Variants in DENND1B observed in about 807,000 individuals in gnomAD.
DENND1B encodes DENN domain containing 1B.
A neutral mutation model predicts 90.1 loss-of-function variants in DENND1B; 59 were observed. The observed-to-expected ratio is 0.65, with a 90% CI of 0.53 to 0.81. DENND1B has a LOEUF of 0.81. Ranked by LOEUF, DENND1B falls within the 40% of genes least tolerant of loss-of-function variation. DENND1B has a pLI of 0.00. For missense variants in DENND1B, 862 were observed against 912.6 expected (o/e 0.94, Z 0.71); for synonymous variants, 337 against 324.6 (o/e 1.04, Z -0.41).
At chr1:197,764,695 T>C (rs1655490267) in intron 2 of DENND1B, among the ~76,000 whole-genome samples, 1 of 152,156 alleles carries the variant, frequency 6.6e-6, no homozygotes, top group Non-Finnish European at 1.5e-5. Flanking sequence ...TTTACAAGGT[T>C]TTCTTTAAAA....
At chr1:197,674,211 TA>T in intron 3 of DENND1B, 42 bp from the exon 4 acceptor site, 2 of 1,459,232 alleles carry the variant, frequency 1.4e-6, no homozygotes, top group Admixed American at 2.1e-5. Flanking sequence ...AGTTTTAGAA[TA>T]TTTTTTAAGA....
intron 4 of DENND1B, among the ~76,000 whole-genome samples, chr1:197,672,527 CTCTTT>C (rs2125985086): frequency 6.6e-6 from 1 of 152,094 alleles, no homozygotes; most frequent in African/African-American, 2.4e-5. Context: ...CAACTTTAGC[CTCTTT>C]TCTTAATTAT....
chr1:197,591,995 G>C (rs1675257318), intron 14 of DENND1B, among the ~76,000 whole-genome samples: 1 of 149,690 alleles, frequency 6.7e-6, no homozygotes, highest in African/African-American at 2.5e-5. Flanking sequence ...TGTAGTCCCT[G>C]CTACTCGGGA....
At chr1:197,747,118 T>C (rs1652802347) in intron 2 of DENND1B, 2 of 765,762 alleles carry the variant, frequency 2.6e-6, no homozygotes, top group Non-Finnish European at 4.7e-6. Flanking sequence ...TTCTTTTTCA[T>C]TCCTCAATTT....
intron 2 of DENND1B, among the ~76,000 whole-genome samples, chr1:197,771,103 G>A (rs991546021): frequency 2.0e-5 from 3 of 151,536 alleles, no homozygotes; most frequent in Non-Finnish European, 4.4e-5. Context: ...GTAGAGATGG[G>A]GTTTCACCAT....
At chr1:197,627,065 C>T (rs1678818704) in intron 10 of DENND1B, among the ~76,000 whole-genome samples, 1 of 152,008 alleles carries the variant, frequency 6.6e-6, no homozygotes, top group Non-Finnish European at 1.5e-5. Flanking sequence ...GAGTCCAGGA[C>T]CAGATGGATT....
At chr1:197,714,426 A>G (rs1307902533) in intron 3 of DENND1B, among the ~76,000 whole-genome samples, 1 of 152,180 alleles carries the variant, frequency 6.6e-6, no homozygotes, top group African/African-American at 2.4e-5. Context: ...AAACTACTGC[A>G]TCATTTTGGT....
At chr1:197,642,566 G>C in intron 10 of DENND1B, 145 bp downstream of exon 10, 1 of 494,686 alleles carries the variant, frequency 2.0e-6, no homozygotes, top group Non-Finnish European at 3.5e-6. Flanking sequence ...TGTACTTCAA[G>C]AGCCAGATTA....
chr1:197,528,268 A>G (rs1206065964), intron 20 of DENND1B, among the ~76,000 whole-genome samples: 1 of 152,180 alleles, frequency 6.6e-6, no homozygotes, highest in Non-Finnish European at 1.5e-5. Flanking sequence ...TAACATATTG[A>G]GATTTCTCTT....
intron 13 of DENND1B, among the ~76,000 whole-genome samples, chr1:197,604,170 T>TA (rs1676453964): frequency 7.9e-6 from 1 of 125,860 alleles, no homozygotes; most frequent in South Asian, 3.0e-4. Context: ...TCAATATCAT[T>TA]AAAATCACTC....
chr1:197,766,449 G>A (rs1294265714), intron 2 of DENND1B, among the ~76,000 whole-genome samples: 2 of 152,124 alleles, frequency 1.3e-5, no homozygotes, highest in African/African-American at 4.8e-5. Flanking sequence ...GATTCCTCAA[G>A]GTTCTATTTT....
chr1:197,721,998 C>G (rs1169435707), intron 2 of DENND1B, among the ~76,000 whole-genome samples: 1 of 152,090 alleles, frequency 6.6e-6, no homozygotes, highest in Non-Finnish European at 1.5e-5. Flanking sequence ...ATGCTGTATA[C>G]ATACATATTG....
intron 5 of DENND1B, among the ~76,000 whole-genome samples, chr1:197,670,507 G>A (rs1655397317): frequency 9.1e-6 from 1 of 109,496 alleles, no homozygotes; most frequent in Non-Finnish European, 1.9e-5. Flanking sequence ...AGGAAGAGTA[G>A]GGGAGAGGGG....
At chr1:197,781,605 G>C in the DENND1B span, among the ~76,000 whole-genome samples, 2 of 152,146 alleles carry the variant, frequency 1.3e-5, no homozygotes, top group Admixed American at 1.3e-4. Context: ...CAAGACATGT[G>C]AAATACTTTT....
intron 3 of DENND1B, among the ~76,000 whole-genome samples, chr1:197,707,551 C>T (rs1486443057): frequency 6.7e-6 from 1 of 148,308 alleles, no homozygotes; most frequent in African/African-American, 2.5e-5. Context: ...ATATCATTAT[C>T]ACCCATATAT....
intron 3 of DENND1B, among the ~76,000 whole-genome samples, chr1:197,714,543 T>C (rs770610982): frequency 5.9e-5 from 9 of 152,200 alleles, no homozygotes; most frequent in Non-Finnish European, 8.8e-5. Context: ...AGTAAAGCTA[T>C]AGGTAAGAAC....
intron 20 of DENND1B, among the ~76,000 whole-genome samples, chr1:197,513,248 G>A (rs1327140091): frequency 6.6e-6 from 1 of 150,540 alleles, no homozygotes; most frequent in Non-Finnish European, 1.5e-5. Flanking sequence ...CCCTGATTTA[G>A]GGATACTTGA....
chr1:197,676,429 A>AAC (rs141771179), intron 3 of DENND1B, among the ~76,000 whole-genome samples: 23 of 151,084 alleles, frequency 1.5e-4, no homozygotes, highest in South Asian at 8.4e-4. Context: ...CACATATACA[A>AAC]ACACACACAC....
At chr1:197,563,056 A>T (rs1455893050) in intron 15 of DENND1B, among the ~76,000 whole-genome samples, 1 of 151,990 alleles carries the variant, frequency 6.6e-6, no homozygotes, top group Non-Finnish European at 1.5e-5. Context: ...AAGGTAGGAG[A>T]CATTGGTTCA....
Sources: allele counts gnomAD v4.1 joint callset (sites outside exome capture counted in the v4.1 genomes callset), GRCh38; gene constraint gnomAD v4.1.1; transcripts MANE v1.5; gene names NCBI Gene and HGNC (gene_info 2026-07-23, HGNC 2026-07-21).